The following FNTA variants were observed in gnomAD, a reference collection of about 807,000 sequenced individuals.
The protein encoded by FNTA is farnesyltransferase, CAAX box, subunit alpha.
In FNTA, 27 loss-of-function variants were observed where a neutral mutation model predicts 55.2. The observed-to-expected ratio is 0.49, with a 90% CI of 0.36 to 0.67. FNTA has a LOEUF of 0.67. Ranked by LOEUF, FNTA falls within the 30% of genes least tolerant of loss-of-function variation. The pLI is 0.00. For synonymous variants in FNTA, 176 were observed against 170.7 expected (o/e 1.03, Z -0.24); for missense variants, 422 against 464.7 (o/e 0.91, Z 0.85).
intron 4 of FNTA, among the ~76,000 whole-genome samples, chr8:43,071,946 T>G (rs1810802369): frequency 6.6e-6 from 1 of 152,254 alleles, no homozygotes; most frequent in South Asian, 2.1e-4. Context: ...TCTTAATTTT[T>G]TGACACAATT....
chr8:43,083,710 A>C (rs1385091746), intron 7 of FNTA, among the ~76,000 whole-genome samples: 1 of 152,178 alleles, frequency 6.6e-6, no homozygotes, highest in Non-Finnish European at 1.5e-5. Context: ...GGAACCAGTT[A>C]CCCTTGGAGA....
At chr8:43,068,478 T>C (rs1299268422) in intron 3 of FNTA, among the ~76,000 whole-genome samples, 6 of 152,196 alleles carry the variant, frequency 3.9e-5, no homozygotes, top group Non-Finnish European at 8.8e-5. Context: ...ACAAGTAGCA[T>C]TTTTGTGGTT....
chr8:43,065,541 A>AT (rs1810635823), intron 3 of FNTA, among the ~76,000 whole-genome samples: 4 of 147,214 alleles, frequency 2.7e-5, no homozygotes, highest in African/African-American at 1.1e-4. Context: ...GCCACTGTGC[A>AT]CGGCTGCTGA....
chr8:43,060,490 C>T (rs760778240), intron 2 of FNTA, among the ~76,000 whole-genome samples: 35 of 152,146 alleles, frequency 2.3e-4, no homozygotes, highest in Admixed American at 3.3e-4. Context: ...GCCTGGCCAA[C>T]GTGGCGAAAC....
rs1339981804 is a variant in FNTA, at chr8:43,056,502, C to T, written c.156C>T (p.Asp52=). 1.9e-6 allele frequency: 3 copies of T among 1,570,634 alleles called. No individual in the cohort carries two copies. The highest frequency in any genetic ancestry group is 2.6e-6 in the Non-Finnish European group (3 of 1,161,930). The change falls in exon 1 of 9, where the codon GAC becomes GAT. Residue 52 remains aspartate, a synonymous_variant. Transcript: ENST00000302279. ...GGGAAGCCGTGGCGTCCCCCATGGACGACGGGTTTGTGAGCCTGGACTCGC... is the reference window on the plus strand; with the variant it reads ...GGGAAGCCGTGGCGTCCCCCATGGATGACGGGTTTGTGAGCCTGGACTCGC... ...EAGEAVASPM[D]DGFVSLDSPS... is the part of the protein sequence containing the mutation.
At chr8:43,066,281 G>C (rs1414255565) in intron 3 of FNTA, among the ~76,000 whole-genome samples, 1 of 148,674 alleles carries the variant, frequency 6.7e-6, no homozygotes, top group African/African-American at 2.5e-5. Flanking sequence ...TTTTGAGACA[G>C]AGTCTCGCTC....
At chr8:43,062,857 T>C (rs1036379514) in intron 2 of FNTA, among the ~76,000 whole-genome samples, 1 of 152,242 alleles carries the variant, frequency 6.6e-6, no homozygotes, top group African/African-American at 2.4e-5. Flanking sequence ...GGATCAGTGC[T>C]GCAACATCCA....
chr8:43,057,956 C>CAAAAAAAA (rs71550440), intron 1 of FNTA, among the ~76,000 whole-genome samples: 1 of 69,390 alleles, frequency 1.4e-5, no homozygotes, highest in Non-Finnish European at 3.0e-5. Flanking sequence ...GACTCCATCT[C>CAAAAAAAA]AAAAAAAAAA....
intron 6 of FNTA, chr8:43,081,627 G>C (rs1296169285): frequency 6.6e-6 from 1 of 152,214 alleles, no homozygotes; most frequent in Non-Finnish European, 1.5e-5. Context: ...TGCAGTGACG[G>C]ATCATAGCTC....
chr8:43,056,491 TC>T lies in FNTA; in HGVS notation c.150del (p.Met51TrpfsTer6). 1 of 1,572,208 alleles carries T rather than the reference TC, an allele frequency of 6.4e-7. No homozygotes were observed. On this transcript the variant is annotated frameshift_variant, in exon 1 of 9. Coordinates refer to ENST00000302279, the MANE Select transcript of FNTA (RefSeq NM_002027.3). LOFTEE classifies it high-confidence loss of function. Reference protein sequence around the residue: ...MAAEAGEAVASPMDDGFVSLD... With the variant: ...MAAEAGEAVAXPMDDGFVSLD... The stretch of plus-strand genomic sequence containing the variant: ...GGCCGAGGCTGGGGAAGCCGTGGCG[TC>T]CCCCATGGACGACGGGTTTGTGAGC...
chr8:43,068,876 C>A (rs926830274), intron 3 of FNTA, among the ~76,000 whole-genome samples: 3 of 152,064 alleles, frequency 2.0e-5, no homozygotes, highest in Non-Finnish European at 2.9e-5. Context: ...CCTCGCCCAA[C>A]TGATTTTGCA....
At chr8:43,058,758 C>T (rs1258710175) in intron 1 of FNTA, among the ~76,000 whole-genome samples, 1 of 152,094 alleles carries the variant, frequency 6.6e-6, no homozygotes, top group African/African-American at 2.4e-5. Flanking sequence ...GCCTGGGCGA[C>T]AGAGTGAGAT....
chr8:43,082,778 T>C (rs1274840187), intron 6 of FNTA: 1 of 167,762 alleles, frequency 6.0e-6, no homozygotes, highest in Admixed American at 6.4e-5. Flanking sequence ...CCGGGCGCAG[T>C]GGCTCATGCC....
At chr8:43,069,529 C>T in intron 3 of FNTA, 26 bp from the exon 4 acceptor site, 1 of 1,419,446 alleles carries the variant, frequency 7.0e-7, no homozygotes, top group Non-Finnish European at 1.0e-6. Context: ...AATAATGCGA[C>T]TTTGGATGTT....
At chr8:43,066,753 G>T (rs1215622832) in intron 3 of FNTA, among the ~76,000 whole-genome samples, 1 of 152,206 alleles carries the variant, frequency 6.6e-6, no homozygotes, top group African/African-American at 2.4e-5. Flanking sequence ...AGCCCTGTGT[G>T]TGGCAGGATT....
chr8:43,068,270 C>G (rs986203135), intron 3 of FNTA, among the ~76,000 whole-genome samples: 2 of 152,114 alleles, frequency 1.3e-5, no homozygotes, highest in African/African-American at 2.4e-5. Context: ...CCTCAGCCTC[C>G]CAAAGTTAGC....
At chr8:43,080,684 A>G (rs1020390206) in intron 6 of FNTA, 3 of 152,214 alleles carry the variant, frequency 2.0e-5, no homozygotes, top group Non-Finnish European at 4.4e-5. Flanking sequence ...AAATACAATT[A>G]TTTCATTGCA....
At chr8:43,083,622 C>T (rs181896965) in intron 7 of FNTA, among the ~76,000 whole-genome samples, 21 of 152,296 alleles carry the variant, frequency 1.4e-4, no homozygotes, top group Non-Finnish European at 1.5e-5. Context: ...TTTCACTTGC[C>T]TGGCCACTGA....
At chr8:43,069,279 A>G (rs895546400) in intron 3 of FNTA, among the ~76,000 whole-genome samples, 1 of 151,052 alleles carries the variant, frequency 6.6e-6, no homozygotes, top group Non-Finnish European at 1.5e-5. Flanking sequence ...ACCATGCCCA[A>G]CTAATTTTTT....
Sources: allele counts gnomAD v4.1 joint callset (sites outside exome capture counted in the v4.1 genomes callset), GRCh38; gene constraint gnomAD v4.1.1; transcripts MANE v1.5; gene names NCBI Gene and HGNC (gene_info 2026-07-23, HGNC 2026-07-21).